DENND5A: variants seen among roughly 807,000 people sequenced by gnomAD.
The protein encoded by DENND5A is DENN domain-containing protein 5A.
DENND5A carries 64 observed loss-of-function variants against 140.3 expected under a neutral mutation model. That is an observed-to-expected ratio of 0.46 (90% CI 0.37 to 0.56). The LOEUF (loss-of-function observed/expected upper bound fraction) is 0.56. Among genes scored for constraint, DENND5A ranks in the 20% least tolerant of loss-of-function variants. The pLI is 0.00. For synonymous variants in DENND5A, 605 were observed against 607.7 expected, an observed-to-expected ratio of 1.00 and a Z score of 0.07; for missense variants, 1,292 against 1,593.8, an observed-to-expected ratio of 0.81 and a Z score of 3.22.
chr11:9,181,113 GAAT>G, intron 5 of DENND5A, 29 bp from the exon 6 acceptor site: 1 of 1,589,712 alleles, frequency 6.3e-7, no homozygotes, highest in Non-Finnish European at 8.6e-7. Flanking sequence ...TGAGGAGTAT[GAAT>G]AACTCCAGAG....
At chr11:9,181,661 C>T (rs545878440) in intron 5 of DENND5A, among the ~76,000 whole-genome samples, 1 of 152,250 alleles carries the variant, frequency 6.6e-6, no homozygotes, top group South Asian at 2.1e-4. Context: ...ATCACCTGAG[C>T]CCAAGAAGCT....
intron 8 of DENND5A, chr11:9,176,864 C>T: frequency 2.2e-6 from 1 of 456,246 alleles, no homozygotes; most frequent in South Asian, 1.5e-5. Flanking sequence ...TTCACAGCTT[C>T]CCATGCACTT....
chr11:9,160,703 C>G lies in DENND5A; in HGVS notation c.2436+10G>C. 6.2e-7 allele frequency: 1 copy of G among 1,604,170 alleles called. No individual in the cohort carries two copies. On this transcript the variant is annotated intron_variant, in intron 12 of 22. Coordinates refer to ENST00000328194, the MANE Select transcript of DENND5A (RefSeq NM_015213.4). ...ATTTGCTCAGCAATGAGAGGCAAGA[C>G]ATACATTACCTGTTTCACTTGTAGT...
intron 12 of DENND5A, among the ~76,000 whole-genome samples, chr11:9,153,190 G>A (rs1000819509): frequency 2.7e-5 from 4 of 150,202 alleles, no homozygotes; most frequent in Admixed American, 6.6e-5. Context: ...GGTGGCACAC[G>A]CCTGCTGTCC....
At chr11:9,185,546 G>C (rs2136184229) in intron 5 of DENND5A, among the ~76,000 whole-genome samples, 1 of 152,312 alleles carries the variant, frequency 6.6e-6, no homozygotes, top group African/African-American at 2.4e-5. Context: ...GGCTAGGGGA[G>C]GGATAGCATT....
chr11:9,170,254 C>T, intron 9 of DENND5A: 1 of 983,458 alleles, frequency 1.0e-6, no homozygotes, highest in African/African-American at 1.7e-5. Flanking sequence ...TCAAAAGTAA[C>T]TAATGAGTAA....
At chr11:9,146,864 C>A in intron 16 of DENND5A, 166 bp downstream of exon 16, 2 of 711,450 alleles carry the variant, frequency 2.8e-6, no homozygotes, top group Non-Finnish European at 4.7e-6. Context: ...AGAGAAAACA[C>A]AGCCTCCAAG....
intron 6 of DENND5A, among the ~76,000 whole-genome samples, chr11:9,179,937 AGCCCAACAAGATTATTACATTG>A (rs1485960077): frequency 2.6e-5 from 4 of 152,260 alleles, no homozygotes; most frequent in African/African-American, 7.2e-5. Flanking sequence ...ACTAAAAAAC[AGCCCAACAAGATTATTACATTG>A]GCCCATTGGT....
intron 1 of DENND5A, among the ~76,000 whole-genome samples, chr11:9,221,039 G>A (rs1850292761): frequency 1.3e-5 from 2 of 151,984 alleles, no homozygotes; most frequent in East Asian, 1.9e-4. Flanking sequence ...CCGAGATGGC[G>A]CCATTGAGCT....
At chr11:9,178,511 A>C (rs987836598) in intron 7 of DENND5A, 145 bp from the exon 8 acceptor site, 2 of 625,650 alleles carry the variant, frequency 3.2e-6, no homozygotes, top group Non-Finnish European at 5.6e-6. Flanking sequence ...AAAAAAAAAA[A>C]AACCCACTCA....
chr11:9,238,517 C>T (rs1851097724), intron 1 of DENND5A, among the ~76,000 whole-genome samples: 2 of 151,178 alleles, frequency 1.3e-5, no homozygotes, highest in South Asian at 2.1e-4. Context: ...CCCGGGTTCA[C>T]GCCATTCTCC....
At chr11:9,246,283 C>T (rs1449845129) in intron 1 of DENND5A, among the ~76,000 whole-genome samples, 8 of 152,080 alleles carry the variant, frequency 5.3e-5, no homozygotes, top group Non-Finnish European at 1.0e-4. Flanking sequence ...TTCAGACACC[C>T]ACTGAGGTTC....
intron 1 of DENND5A, among the ~76,000 whole-genome samples, chr11:9,217,863 T>C (rs56306422): frequency 0.025 from 3,863 of 152,266 alleles, 153 homozygotes; most frequent in African/African-American, 0.084. Flanking sequence ...ACAAAGTATC[T>C]TTTCCCACAC....
intron 5 of DENND5A, among the ~76,000 whole-genome samples, chr11:9,193,023 G>A (rs893829538): frequency 3.3e-5 from 5 of 151,782 alleles, no homozygotes; most frequent in African/African-American, 4.8e-5. Flanking sequence ...CCAGGAGTTC[G>A]AGACCAGCCT....
intron 1 of DENND5A, among the ~76,000 whole-genome samples, chr11:9,223,204 CA>C (rs1463050637): frequency 2.6e-5 from 4 of 151,582 alleles, no homozygotes; most frequent in Non-Finnish European, 5.9e-5. Flanking sequence ...GCCGAAGCAA[CA>C]TAGCAAGACA....
Position 9,139,819 on chromosome 11 carries a change from G to A in DENND5A, c.3716C>T (p.Ala1239Val), listed in dbSNP as rs1300720783. The A allele has an allele frequency of 1.3e-5, 21 of 1,614,028 alleles. No homozygotes were observed. Among genetic ancestry groups the A allele is most frequent in the African/African-American group, 2.7e-5 (2 of 74,942 alleles). The change falls in exon 23 of 23, where the codon GCT (alanine) becomes GTT (valine). Residue 1239 changes from alanine (A) to valine (V), a missense_variant. Around this residue, in one of 4 missense-constraint regions of DENND5A, gnomAD observed 498 missense variants for 689.7 expected, o/e 0.72. Transcript: ENST00000328194. ...CATGTGTGCAGTGATGGGGCAGTCA[G>A]CCAGCAGGGCAATCCAGTGGTGTAG... ...HLLHHWIALLADCPITAHMYE... is the reference protein window; with the variant it reads ...HLLHHWIALLVDCPITAHMYE...
At chr11:9,259,403 A>G (rs1224547220) in intron 1 of DENND5A, among the ~76,000 whole-genome samples, 1 of 151,074 alleles carries the variant, frequency 6.6e-6, no homozygotes, top group African/African-American at 2.4e-5. Context: ...CTAAAAAAAA[A>G]AAGTACAAAA....
intron 8 of DENND5A, chr11:9,175,317 G>C (rs1848511257): frequency 6.6e-6 from 1 of 152,092 alleles, no homozygotes; most frequent in African/African-American, 2.4e-5. Flanking sequence ...CCTGTACCCT[G>C]AAAAGTACAT....
intron 1 of DENND5A, among the ~76,000 whole-genome samples, chr11:9,209,689 T>G (rs1242622677): frequency 2.0e-5 from 3 of 152,174 alleles, no homozygotes; most frequent in African/African-American, 7.2e-5. Flanking sequence ...AAACAAATCA[T>G]ATTCTCATTT....
Sources: gnomAD v4.1 joint callset for allele counts (sites outside exome capture counted in the v4.1 genomes callset) on GRCh38, gnomAD v4.1.1 for gene constraint, gnomAD v4.1.1 regional missense constraint, MANE v1.5 for transcripts, NCBI Gene and HGNC (gene_info 2026-07-23, HGNC 2026-07-21) for gene names.